Variants in EPHB1 observed in about 807,000 individuals in gnomAD.
The protein encoded by EPHB1 is ephrin type-B receptor 1.
EPHB1 carries 30 observed loss-of-function variants against 94.4 expected under a neutral mutation model. The observed-to-expected ratio is 0.32, with a 90% confidence interval of 0.24 to 0.43. The LOEUF is 0.43. Ranked by LOEUF, EPHB1 falls within the 20% of genes least tolerant of loss-of-function variation. The pLI is 1.00. For missense variants in EPHB1, 1,055 were observed against 1,308.3 expected (o/e 0.81, Z 2.99); for synonymous variants, 522 against 489.1 (o/e 1.07, Z -0.89).
chr3:134,949,972 C>A (rs1312976857), intron 2 of EPHB1, among the ~76,000 whole-genome samples: 1 of 152,138 alleles, frequency 6.6e-6, no homozygotes, highest in African/African-American at 2.4e-5. Flanking sequence ...ACCCTCATTG[C>A]CTGTTATTGA....
intron 6 of EPHB1, among the ~76,000 whole-genome samples, chr3:135,155,329 A>G (rs896378844): frequency 6.6e-6 from 1 of 152,092 alleles, no homozygotes; most frequent in African/African-American, 2.4e-5. Flanking sequence ...AGAAAGTAAG[A>G]TCGTTGTGAA....
intron 3 of EPHB1, among the ~76,000 whole-genome samples, chr3:135,102,920 G>C (rs928892213): frequency 6.6e-6 from 1 of 152,100 alleles, no homozygotes; most frequent in Non-Finnish European, 1.5e-5. Context: ...AGTAGGAGTT[G>C]AACAATGAGA....
chr3:135,098,328 TATG>T (rs1295910765), intron 3 of EPHB1, among the ~76,000 whole-genome samples: 5 of 138,710 alleles, frequency 3.6e-5, no homozygotes, highest in African/African-American at 8.8e-5. Flanking sequence ...TTTTGCTGAG[TATG>T]ATATGTTTGA....
chr3:135,234,748 A>G (rs1399701818), intron 12 of EPHB1, among the ~76,000 whole-genome samples: 1 of 152,230 alleles, frequency 6.6e-6, no homozygotes, highest in Non-Finnish European at 1.5e-5. Context: ...AGTGCTGAGC[A>G]AAAGGGGAAA....
chr3:135,144,718 C>T (rs1940952270), intron 5 of EPHB1, among the ~76,000 whole-genome samples: 1 of 152,152 alleles, frequency 6.6e-6, no homozygotes, highest in Non-Finnish European at 1.5e-5. Flanking sequence ...AAGGAGGAGC[C>T]TGTGACTCCC....
intron 12 of EPHB1, among the ~76,000 whole-genome samples, chr3:135,222,243 A>C (rs1943291842): frequency 6.6e-6 from 1 of 152,332 alleles, no homozygotes; most frequent in African/African-American, 2.4e-5. Flanking sequence ...CCAGCAGAAC[A>C]GTTGATGCCT....
chr3:135,115,034 G>A (rs1209571540), intron 4 of EPHB1, among the ~76,000 whole-genome samples: 1 of 152,172 alleles, frequency 6.6e-6, no homozygotes, highest in Non-Finnish European at 1.5e-5. Context: ...AAGAAAGAAT[G>A]TTGACTGGCC....
At chr3:134,858,745 G>A (rs2037179962) in intron 1 of EPHB1, among the ~76,000 whole-genome samples, 1 of 152,238 alleles carries the variant, frequency 6.6e-6, no homozygotes, top group Non-Finnish European at 1.5e-5. Flanking sequence ...AGGTGGAGCA[G>A]GGAGGGAAAT....
intron 1 of EPHB1, among the ~76,000 whole-genome samples, chr3:134,897,267 A>G (rs1408262698): frequency 2.6e-5 from 4 of 152,102 alleles, no homozygotes; most frequent in African/African-American, 7.2e-5. Context: ...GGATACCCCA[A>G]TCCCAGATCC....
chr3:134,944,351 GT>G (rs1257636440), intron 2 of EPHB1, among the ~76,000 whole-genome samples: 1 of 152,058 alleles, frequency 6.6e-6, no homozygotes, highest in East Asian at 1.9e-4. Flanking sequence ...ATCAGATTTT[GT>G]TTATGCACTC....
At chr3:134,875,431 C>G (rs1273785511) in intron 1 of EPHB1, among the ~76,000 whole-genome samples, 2 of 152,042 alleles carry the variant, frequency 1.3e-5, no homozygotes, top group South Asian at 2.1e-4. Flanking sequence ...GTCCCTGTGT[C>G]CCCTGTGGAA....
intron 3 of EPHB1, among the ~76,000 whole-genome samples, chr3:135,037,990 C>T (rs767759148): frequency 1.3e-5 from 2 of 152,306 alleles, no homozygotes; most frequent in Non-Finnish European, 2.9e-5. Flanking sequence ...TACCAGATCT[C>T]CCAACCTAAG....
intron 1 of EPHB1, among the ~76,000 whole-genome samples, chr3:134,874,839 C>T (rs980398804): frequency 4.6e-5 from 7 of 152,228 alleles, no homozygotes; most frequent in Non-Finnish European, 8.8e-5. Context: ...ACCCGATGGG[C>T]TATTTACAGA....
At chr3:135,207,844 A>G (rs1222780919) in intron 12 of EPHB1, among the ~76,000 whole-genome samples, 2 of 152,200 alleles carry the variant, frequency 1.3e-5, no homozygotes, top group East Asian at 1.9e-4. Context: ...TTATGTCCTC[A>G]GATGCCTTTT....
chr3:135,079,260 G>A (rs1481917753), intron 3 of EPHB1, among the ~76,000 whole-genome samples: 1 of 152,208 alleles, frequency 6.6e-6, no homozygotes, highest in Non-Finnish European at 1.5e-5. Flanking sequence ...ACAGAGTGAT[G>A]GTGACATATT....
chr3:134,861,057 G>A (rs2037245870), intron 1 of EPHB1, among the ~76,000 whole-genome samples: 1 of 152,152 alleles, frequency 6.6e-6, no homozygotes, highest in South Asian at 2.1e-4. Context: ...GAAGAACAGG[G>A]CCCCAGGAGG....
chr3:135,116,213 C>G (rs1421025521), intron 4 of EPHB1, among the ~76,000 whole-genome samples: 1 of 152,080 alleles, frequency 6.6e-6, no homozygotes, highest in Non-Finnish European at 1.5e-5. Flanking sequence ...GACTCTGTCT[C>G]AAAACAAAAA....
Position 134,885,362 on chromosome 3 carries a change from G to A in EPHB1, c.59-40454G>A, listed in dbSNP as rs895906063. Among the ~76,000 whole-genome samples the A allele has an allele frequency of 2.0e-5, 3 of 152,320 alleles. No individual in the cohort carries two copies. The South Asian group carries it at 6.2e-4, about 32-fold the overall frequency. On this transcript the variant is annotated intron_variant, in intron 1 of 15. Coordinates refer to ENST00000398015, the MANE Select transcript of EPHB1 (RefSeq NM_004441.5). ...TAGTATGTGTATAATGTTAGGAAACGCAAAACAGTAGACACCACTGCAGAA... is the reference window on the plus strand; with the variant it reads ...TAGTATGTGTATAATGTTAGGAAACACAAAACAGTAGACACCACTGCAGAA...
intron 1 of EPHB1, among the ~76,000 whole-genome samples, chr3:134,840,761 G>T (rs2036760887): frequency 6.6e-6 from 1 of 152,150 alleles, no homozygotes; most frequent in Non-Finnish European, 1.5e-5. Context: ...GCACAGAACT[G>T]GTACACATTG....
Sources: gnomAD v4.1 joint callset for allele counts (sites outside exome capture counted in the v4.1 genomes callset) on GRCh38, gnomAD v4.1.1 for gene constraint, MANE v1.5 for transcripts, NCBI Gene and HGNC (gene_info 2026-07-23, HGNC 2026-07-21) for gene names.